KLF12: variants seen among roughly 807,000 people sequenced by gnomAD.
KLF12 encodes KLF transcription factor 12.
Under a neutral mutation model 37.8 loss-of-function variants are expected in KLF12, and 9 were observed. That is an observed-to-expected ratio of 0.24 (90% CI 0.14 to 0.42). The LOEUF is 0.42. Among genes scored for constraint, KLF12 ranks in the 10% least tolerant of loss-of-function variants. KLF12 has a pLI of 1.00. For synonymous variants in KLF12, 208 were observed against 202.1 expected, an observed-to-expected ratio of 1.03 and a Z score of -0.25; for missense variants, 411 against 516.0, an observed-to-expected ratio of 0.80 and a Z score of 1.97.
the KLF12 span, among the ~76,000 whole-genome samples, chr13:74,156,472 G>T: frequency 6.6e-6 from 1 of 152,170 alleles, no homozygotes; most frequent in African/African-American, 2.4e-5. Flanking sequence ...TTTATCCTTT[G>T]AGTTACAAAC....
intron 7 of KLF12, among the ~76,000 whole-genome samples, chr13:73,704,186 A>G (rs994764755): frequency 6.6e-6 from 1 of 152,008 alleles, no homozygotes; most frequent in African/African-American, 2.4e-5. Flanking sequence ...CTTGGCTCAT[A>G]TGTCTTCCAC....
chr13:73,758,560 C>A (rs1879340642), intron 6 of KLF12, among the ~76,000 whole-genome samples: 1 of 152,102 alleles, frequency 6.6e-6, no homozygotes, highest in South Asian at 2.1e-4. Context: ...AGTACAATGA[C>A]ATGTCTTATG....
At chr13:74,119,160 C>G (rs1165163465) in intron 1 of KLF12, among the ~76,000 whole-genome samples, 1 of 151,956 alleles carries the variant, frequency 6.6e-6, no homozygotes, top group Non-Finnish European at 1.5e-5. Context: ...TGGCAAAACC[C>G]CATTTTTACT....
the KLF12 span, among the ~76,000 whole-genome samples, chr13:74,235,895 C>T: frequency 1.4e-3 from 218 of 150,988 alleles, 1 homozygote; most frequent in African/African-American, 4.9e-3. Context: ...TCTCAGGTAC[C>T]GAATTTTTAT....
At chr13:73,999,998 A>C (rs1359600776) in intron 1 of KLF12, among the ~76,000 whole-genome samples, 1 of 152,174 alleles carries the variant, frequency 6.6e-6, no homozygotes, top group Non-Finnish European at 1.5e-5. Context: ...ACCTGGGGTA[A>C]GTTGTTTCCA....
chr13:73,876,823 T>A (rs1022015586), intron 3 of KLF12, among the ~76,000 whole-genome samples: 5 of 152,056 alleles, frequency 3.3e-5, no homozygotes, highest in African/African-American at 7.2e-5. Flanking sequence ...GAGACCAGCC[T>A]GGCCAACATG....
chr13:73,891,207 G>C (rs964028874), intron 3 of KLF12, among the ~76,000 whole-genome samples: 1 of 151,838 alleles, frequency 6.6e-6, no homozygotes, highest in Admixed American at 6.6e-5. Context: ...CATGAGTATG[G>C]GTAAGTCAGC....
chr13:74,201,003 A>C, the KLF12 span, among the ~76,000 whole-genome samples: 1 of 152,122 alleles, frequency 6.6e-6, no homozygotes, highest in Non-Finnish European at 1.5e-5. Context: ...ATGAAGGTAT[A>C]CTTGCATAAT....
At chr13:73,909,232 T>G (rs1342524563) in intron 3 of KLF12, among the ~76,000 whole-genome samples, 1 of 152,156 alleles carries the variant, frequency 6.6e-6, no homozygotes, top group East Asian at 1.9e-4. Context: ...TTCAACTAGG[T>G]TCCGTTTCCA....
intron 1 of KLF12, among the ~76,000 whole-genome samples, chr13:74,039,924 C>T (rs1328377431): frequency 1.3e-5 from 2 of 152,168 alleles, no homozygotes; most frequent in East Asian, 1.9e-4. Flanking sequence ...TAGTGACTTA[C>T]GGCTGTCAAT....
intron 4 of KLF12, among the ~76,000 whole-genome samples, chr13:73,840,910 G>A (rs1175041269): frequency 6.6e-6 from 1 of 152,006 alleles, no homozygotes; most frequent in African/African-American, 2.4e-5. Context: ...TCATGCCTCA[G>A]AGTCTTTGAA....
the KLF12 span, among the ~76,000 whole-genome samples, chr13:74,140,221 A>G: frequency 6.6e-6 from 1 of 152,226 alleles, no homozygotes; most frequent in African/African-American, 2.4e-5. Context: ...TTATTTTTCA[A>G]AAGTATTTTA....
At chr13:74,081,669 C>G (rs527996142) in intron 1 of KLF12, among the ~76,000 whole-genome samples, 16 of 152,258 alleles carry the variant, frequency 1.1e-4, no homozygotes, top group African/African-American at 3.6e-4. Flanking sequence ...TCAATAAAAT[C>G]TATTCTGTTT....
At chr13:73,898,280 G>T (rs191453363) in intron 3 of KLF12, among the ~76,000 whole-genome samples, 2 of 152,070 alleles carry the variant, frequency 1.3e-5, no homozygotes, top group African/African-American at 2.4e-5. Context: ...GTAATTAACC[G>T]ATGTTAAACA....
Position 73,916,585 on chromosome 13 carries a change from C to T in KLF12, c.123+27396G>A, listed in dbSNP as rs143143134. 4.0e-3 allele frequency among the ~76,000 whole-genome samples: 615 copies of T among 152,262 alleles called. 3 individuals are homozygous for T. Among genetic ancestry groups the T allele is most frequent in the African/African-American group, 0.014 (587 of 41,544 alleles). On this transcript the variant is annotated intron_variant, in intron 3 of 7. Coordinates refer to ENST00000377669, the MANE Select transcript of KLF12 (RefSeq NM_007249.5). ...TATAGCCAATATAAATAAACACTGTCAATGTCTTTGCCTCCTATTCTCTGC... is the reference window on the plus strand; with the variant it reads ...TATAGCCAATATAAATAAACACTGTTAATGTCTTTGCCTCCTATTCTCTGC...
rs543193476 is a variant in KLF12, at chr13:74,099,338, C to A, written c.-32+34401G>T. 2.0e-5 allele frequency among the ~76,000 whole-genome samples: 3 copies of A among 152,234 alleles called. No individual in the cohort carries two copies. In the East Asian group the frequency reaches 5.8e-4, roughly 29 times the overall value. On this transcript the variant is annotated intron_variant, in intron 1 of 7. Transcript: ENST00000377669. ...CTCTAGCCTGGGCAACAGAGTGAGA[C>A]CCTGTCTCTAAAAAGAAGAAAAGAA...
At chr13:74,212,644 T>G in the KLF12 span, among the ~76,000 whole-genome samples, 1 of 152,136 alleles carries the variant, frequency 6.6e-6, no homozygotes, top group Non-Finnish European at 1.5e-5. Context: ...TTTGACTATC[T>G]TGATGAGTGT....
At chr13:73,898,650 G>A (rs1887899608) in intron 3 of KLF12, among the ~76,000 whole-genome samples, 1 of 152,162 alleles carries the variant, frequency 6.6e-6, no homozygotes, top group Non-Finnish European at 1.5e-5. Flanking sequence ...AGGTGGACAA[G>A]GAGGGGCTTA....
chr13:73,812,974 A>T lies in KLF12; in HGVS notation c.806+178T>A, dbSNP rs541332122. The stretch of plus-strand genomic sequence containing the variant: ...CAAAGCATGAATTTCCAACTCATTA[A>T]AACACTCCATTCTCTGCCCTAATCT... On this transcript the variant is annotated intron_variant, in intron 5 of 7. Coordinates refer to ENST00000377669, the MANE Select transcript of KLF12 (RefSeq NM_007249.5). 4.4e-5 allele frequency: 27 copies of T among 619,898 alleles called. No individual in the cohort carries two copies. The South Asian group carries it at 5.6e-4, about 13-fold the overall frequency. 38.4% of individuals were successfully genotyped at this position (619,898 alleles called of 1,614,324 possible).
Sources: gnomAD v4.1 joint callset for allele counts (sites outside exome capture counted in the v4.1 genomes callset) on GRCh38, gnomAD v4.1.1 for gene constraint, MANE v1.5 for transcripts, NCBI Gene and HGNC (gene_info 2026-07-23, HGNC 2026-07-21) for gene names.